SERINC2: variants seen among roughly 807,000 people sequenced by gnomAD.
The protein encoded by SERINC2 is tumor differentially expressed protein 2.
In SERINC2, 56 loss-of-function variants were observed where a neutral mutation model predicts 54.2. That is an observed-to-expected ratio of 1.03 (90% CI 0.83 to 1.29). SERINC2 has a LOEUF of 1.29. Among genes scored for constraint, SERINC2 ranks in the 50% most tolerant of loss-of-function variants. The probability of loss-of-function intolerance (pLI) is 0.00; values close to 1 mark genes in which losing one functional copy is unlikely to be tolerated. For synonymous variants in SERINC2, 272 were observed against 253.1 expected, an observed-to-expected ratio of 1.07 and a Z score of -0.71; for missense variants, 614 against 607.4, an observed-to-expected ratio of 1.01 and a Z score of -0.12.
At position 31,429,404 on chromosome 1, in the gene SERINC2, A is replaced by G; in HGVS notation, c.879A>G (p.Lys293=). ...WSALSSIPEQ[K]CNPHLPTQLG... ...TTGTGCTCCCATCTCCAGAACAGAAATGCAACCCCCATTTGCCAACCCAGC... is the reference window on the plus strand; with the variant it reads ...TTGTGCTCCCATCTCCAGAACAGAAGTGCAACCCCCATTTGCCAACCCAGC... Residue 293 remains lysine, a synonymous_variant, in exon 8 of 10, where the codon AAA becomes AAG. Transcript: ENST00000373709. 3 of 1,611,836 alleles carry G rather than the reference A, an allele frequency of 1.9e-6. No individual in the cohort carries two copies. The highest frequency in any genetic ancestry group is 2.5e-6 in the Non-Finnish European group (3 of 1,178,828).
At chr1:31,432,104 GGGTGGATAGGGTGGTTAGGGTGGAT>G (rs1557501291) in intron 8 of SERINC2, among the ~76,000 whole-genome samples, 5 of 132,128 alleles carry the variant, frequency 3.8e-5, no homozygotes, top group Middle Eastern at 4.3e-3. Context: ...AGGGTGGACA[GGGTGGATAGGGTGGTTAGGGTGGAT>G]AGGGTGGACA....
intron 6 of SERINC2, 120 bp from the exon 7 acceptor site, chr1:31,428,858 G>C: frequency 1.3e-6 from 1 of 757,864 alleles, no homozygotes; most frequent in East Asian, 2.5e-5. Flanking sequence ...CCTAAGTGGG[G>C]TGTGGTGGGG....
chr1:31,428,543 G>T (rs1553133942), intron 6 of SERINC2, among the ~76,000 whole-genome samples: 1 of 152,114 alleles, frequency 6.6e-6, no homozygotes, highest in Middle Eastern at 3.2e-3. Flanking sequence ...CCAGGGCTCC[G>T]CAGGAGTCCT....
At chr1:31,414,699 T>A in intron 1 of SERINC2, 2 of 985,442 alleles carry the variant, frequency 2.0e-6, no homozygotes, top group South Asian at 9.4e-5. Flanking sequence ...TTGGGCCAGG[T>A]CTCTGCCAAC....
At chr1:31,416,241 C>T (rs1182362637) in intron 1 of SERINC2, among the ~76,000 whole-genome samples, 2 of 152,092 alleles carry the variant, frequency 1.3e-5, no homozygotes, top group East Asian at 1.9e-4. Flanking sequence ...GTGCAGTGGC[C>T]GGTCCATAAA....
Position 31,413,647 on chromosome 1 carries a change from C to T in SERINC2, c.39+343C>T, listed in dbSNP as rs376794604. On this transcript the variant is annotated intron_variant, in intron 1 of 9. Transcript: ENST00000373709. This position sits in a 1 kb window ranked among gnomAD's most constrained non-coding sequence, Gnocchi z 5.0. ...GGGGCAGCTCTGTGGGCCCTCGTCG[C>T]CCCACTTGGGGCGGTCCTCGGGGTG... Among the ~76,000 whole-genome samples the T allele has an allele frequency of 5.9e-5, 9 of 152,080 alleles. No homozygotes were observed. In the East Asian group the frequency reaches 1.6e-3, roughly 27 times the overall value.
chr1:31,410,145 T>C (rs1044993856), upstream of SERINC2: 2 of 1,420,748 alleles, frequency 1.4e-6, no homozygotes, highest in Non-Finnish European at 1.8e-6. Context: ...AACCCTCCAG[T>C]GAGGCTCAGA....
chr1:31,433,153 G>A lies in SERINC2; in HGVS notation c.1200G>A (p.Leu400=). The part of the protein sequence containing the change: ...FFHFCLVLAS[L]HVMMTLTNWY... The stretch of plus-strand genomic sequence containing the variant: ...ACTTCTGCCTGGTGCTGGCCTCACT[G>A]CACGTCATGATGACGCTCACCAACT... Residue 400 remains leucine, a synonymous_variant, in exon 9 of 10, where the codon CTG becomes CTA. Transcript: ENST00000373709. 2 of 1,613,756 alleles carry A rather than the reference G, an allele frequency of 1.2e-6. No homozygotes were observed. The highest frequency in any genetic ancestry group is 1.1e-5 in the South Asian group (1 of 91,088).
At position 31,433,189 on chromosome 1, in the gene SERINC2, C is replaced by T. The variant is rs369868799; in HGVS notation, c.1232+4C>T. 2.0e-5 allele frequency: 32 copies of T among 1,611,982 alleles called. No homozygotes were observed. The highest frequency in any genetic ancestry group is 1.6e-4 in the Middle Eastern group (1 of 6,074). ...TGACGCTCACCAACTGGTACAAGTG[C>T]GTAGCTGGTGGGGCATGGACAGAGC... On this transcript the variant is annotated splice_donor_region_variant and intron_variant, in intron 9 of 9. Coordinates refer to ENST00000373709, the MANE Select transcript of SERINC2 (RefSeq NM_178865.5).
chr1:31,425,932 C>T lies in SERINC2; in HGVS notation c.610+19C>T, dbSNP rs782633558. 23 of 1,605,734 alleles carry T rather than the reference C, an allele frequency of 1.4e-5. No homozygotes were observed. The highest frequency in any genetic ancestry group is 1.7e-5 in the Non-Finnish European group (20 of 1,177,770). ...TACGCAGGTCAGTGCTGCCACCCTG[C>T]CTCCGTGTGGGGACTCGAGCCTGGG... On this transcript the variant is annotated intron_variant, in intron 5 of 9. Transcript: ENST00000373709.
At chr1:31,426,844 C>T (rs782801922) in intron 6 of SERINC2, 21 bp downstream of exon 6, 2 of 1,608,098 alleles carry the variant, frequency 1.2e-6, no homozygotes, top group Non-Finnish European at 1.7e-6. Flanking sequence ...CTGACCCCCC[C>T]TGGCCTGAAG....
intron 8 of SERINC2, among the ~76,000 whole-genome samples, chr1:31,432,154 G>GTTAGGGTGGATAGGGTGGATAGGGTGC: frequency 7.0e-6 from 1 of 142,668 alleles, no homozygotes; most frequent in African/African-American, 2.7e-5. Flanking sequence ...GGACAGGGTG[G>GTTAGGGTGGATAGGGTGGATAGGGTGC]ACAGGGTGGA....
chr1:31,433,810 TAGG>T, intron 9 of SERINC2, among the ~76,000 whole-genome samples: 1 of 151,942 alleles, frequency 6.6e-6, no homozygotes. Flanking sequence ...GTCCCAGAAT[TAGG>T]ATCACAAGGT....
intron 8 of SERINC2, among the ~76,000 whole-genome samples, chr1:31,431,148 A>G (rs1219356658): frequency 6.6e-5 from 9 of 135,772 alleles, no homozygotes; most frequent in Non-Finnish European, 1.2e-4. Flanking sequence ...TTTTTGAGAC[A>G]GGGTCTTCCT....
At chr1:31,430,738 A>G (rs1002872974) in intron 8 of SERINC2, among the ~76,000 whole-genome samples, 13 of 152,212 alleles carry the variant, frequency 8.5e-5, no homozygotes, top group Admixed American at 3.9e-4. Flanking sequence ...ACAAGTCACT[A>G]GATCATAAGA....
At position 31,433,232 on chromosome 1, in the gene SERINC2, A is replaced by G. The variant is rs368854873; in HGVS notation, c.1232+47A>G. The stretch of plus-strand genomic sequence containing the variant: ...GACAGAGCCCGGAGGTGCAGGGTGC[A>G]GGTCCACACATCTCTCCTGCGGCCC... On this transcript the variant is annotated intron_variant, in intron 9 of 9. Transcript: ENST00000373709. 5 of 1,489,910 alleles carry G rather than the reference A, an allele frequency of 3.4e-6. No individual in the cohort carries two copies. In the South Asian group the frequency reaches 3.4e-5, roughly 10 times the overall value. The allele number at this position is 1,489,910 out of a possible 1,614,324, so 92.3% of individuals were successfully genotyped here. A position where few individuals can be genotyped will look rare whatever the true frequency, so the allele number is the denominator to read the frequency against.
intron 1 of SERINC2, chr1:31,414,723 C>T (rs1553132019): frequency 2.0e-6 from 2 of 985,314 alleles, no homozygotes; most frequent in East Asian, 2.3e-4. Flanking sequence ...GGTTTGCTTC[C>T]TGGTGAGGGA....
At chr1:31,432,119 T>TAGGGTGGACAGGGTGGACAGGGTGGA (rs1557501382) in intron 8 of SERINC2, among the ~76,000 whole-genome samples, 1 of 9,726 alleles carries the variant, frequency 1.0e-4, no homozygotes. Flanking sequence ...GATAGGGTGG[T>TAGGGTGGACAGGGTGGACAGGGTGGA]TAGGGTGGAT....
chr1:31,425,868 T>C lies in SERINC2; in HGVS notation c.565T>C (p.Trp189Arg). 1 of 1,613,436 alleles carries C rather than the reference T, an allele frequency of 6.2e-7. No individual in the cohort carries two copies. The highest frequency in any genetic ancestry group is 8.5e-7 in the Non-Finnish European group (1 of 1,179,938). Residue 189 changes from tryptophan to arginine, a missense_variant, in exon 5 of 10, where the codon TGG (tryptophan) becomes CGG (arginine). By Grantham distance (101) the Trp-to-Arg change is moderately radical. Transcript: ENST00000373709. ...CTTTGCGCACTCCTGGAACCAGCGG[T>C]GGCTGGGCAAGGCCGAGGAGTGCGA... ...IDFAHSWNQRWLGKAEECDSR... is the reference protein window; with the variant it reads ...IDFAHSWNQRRLGKAEECDSR...
Sources: allele counts gnomAD v4.1 joint callset (sites outside exome capture counted in the v4.1 genomes callset), GRCh38; gene constraint gnomAD v4.1.1; non-coding constraint Gnocchi (gnomAD v3.1); transcripts MANE v1.5; gene names NCBI Gene and HGNC (gene_info 2026-07-23, HGNC 2026-07-21).